The following KCNH1 variants were observed in gnomAD, a reference collection of about 807,000 sequenced individuals.
The protein encoded by KCNH1 is potassium voltage-gated channel subfamily H member 1.
A neutral mutation model predicts 69.2 loss-of-function variants in KCNH1; 27 were observed. The ratio of observed to expected loss-of-function variants is 0.39; its 90% CI spans 0.29 to 0.54. The LOEUF is 0.54. Ranked by LOEUF, KCNH1 falls within the 20% of genes least tolerant of loss-of-function variation. The pLI is 0.68. For synonymous variants in KCNH1, 456 were observed against 487.7 expected, an observed-to-expected ratio of 0.93 and a Z score of 0.86; for missense variants, 798 against 1,261.6, an observed-to-expected ratio of 0.63 and a Z score of 5.57.
chr1:210,746,175 T>C (rs1683149880), intron 10 of KCNH1, among the ~76,000 whole-genome samples: 1 of 152,170 alleles, frequency 6.6e-6, no homozygotes. Flanking sequence ...GGCACCCTTC[T>C]TTTTTCCCTT....
chr1:210,758,053 A>G (rs540506857), intron 10 of KCNH1, among the ~76,000 whole-genome samples: 1 of 152,240 alleles, frequency 6.6e-6, no homozygotes, highest in Non-Finnish European at 1.5e-5. Flanking sequence ...GGTGCAGCAC[A>G]AAAGCAAGAG....
intron 10 of KCNH1, among the ~76,000 whole-genome samples, chr1:210,765,142 A>T (rs1488261411): frequency 6.6e-6 from 1 of 152,192 alleles, no homozygotes; most frequent in Non-Finnish European, 1.5e-5. Context: ...ACTTACAAGT[A>T]GTAGCTCAAC....
In KCNH1 at chr1:211,114,687, G is replaced by A. The variant is rs905005750; in HGVS notation, c.80-7310C>T. Among the ~76,000 whole-genome samples, 10 of 152,142 alleles carry A rather than the reference G, an allele frequency of 6.6e-5. No individual in the cohort carries two copies. In the South Asian group the frequency reaches 8.3e-4, roughly 13 times the overall value. Reference sequence around the variant, plus strand: ...TGCCAAATAAGAGAGCTAAAGTGACGCGACACAGAGTTTCTAGCCAAATGC... The same window carrying A: ...TGCCAAATAAGAGAGCTAAAGTGACACGACACAGAGTTTCTAGCCAAATGC... On this transcript the variant is annotated intron_variant, in intron 1 of 10. Coordinates refer to ENST00000271751, the MANE Select transcript of KCNH1 (RefSeq NM_172362.3).
chr1:210,985,646 G>C lies in KCNH1; in HGVS notation c.1032+33137C>G, dbSNP rs1188812590. 2.6e-5 allele frequency among the ~76,000 whole-genome samples: 4 copies of C among 152,344 alleles called. No individual in the cohort carries two copies. The East Asian group carries it at 7.7e-4, about 29-fold the overall frequency. On this transcript the variant is annotated intron_variant, in intron 6 of 10. Transcript: ENST00000271751. ...AGTTTGATTGCACTGTGGTCTGGGA[G>C]AGAGTTTGTTATAATTTCTGTTCTT...
chr1:210,990,822 A>T (rs567681934), intron 6 of KCNH1, among the ~76,000 whole-genome samples: 1 of 152,326 alleles, frequency 6.6e-6, no homozygotes, highest in South Asian at 2.1e-4. Flanking sequence ...CATTTTGATT[A>T]TAAGAATCAA....
intron 2 of KCNH1, among the ~76,000 whole-genome samples, chr1:211,105,469 A>G (rs545003353): frequency 1.3e-4 from 20 of 152,200 alleles, no homozygotes; most frequent in Non-Finnish European, 2.8e-4. Flanking sequence ...CTTTACCTGG[A>G]TCTCAGATTG....
chr1:210,709,175 G>A (rs1681991199), intron 10 of KCNH1, among the ~76,000 whole-genome samples: 1 of 152,204 alleles, frequency 6.6e-6, no homozygotes, highest in Non-Finnish European at 1.5e-5. Flanking sequence ...TTTAAACCCA[G>A]GAGGCAGAGG....
chr1:210,788,685 C>CTTTTTTTTTTT lies in KCNH1; in HGVS notation c.1915+8812_1915+8822dup, dbSNP rs139485350. Among the ~76,000 whole-genome samples, 8 of 80,722 alleles carry CTTTTTTTTTTT rather than the reference C, an allele frequency of 9.9e-5. 1 individual carries two copies. Among genetic ancestry groups the CTTTTTTTTTTT allele is most frequent in the African/African-American group, 4.0e-4 (8 of 20,196 alleles). The allele number at this position is 80,722 out of a possible 152,430, so 53.0% of individuals were successfully genotyped here. A position where few individuals can be genotyped will look rare whatever the true frequency, so the allele number is the denominator to read the frequency against. On this transcript the variant is annotated intron_variant, in intron 9 of 10. Coordinates refer to ENST00000271751, the MANE Select transcript of KCNH1 (RefSeq NM_172362.3). ...AGATTATTCATATTATAGCTTCTTT[C>CTTTTTTTTTTT]TTTTTTTTTTTTTTTTTTTTTTTTT... is the stretch of plus-strand genomic sequence containing the variant.
intron 7 of KCNH1, among the ~76,000 whole-genome samples, chr1:210,895,668 C>T (rs980076042): frequency 6.6e-6 from 1 of 151,928 alleles, no homozygotes; most frequent in African/African-American, 2.4e-5. Context: ...CAGGGGTCTA[C>T]AGACAGACAT....
chr1:210,829,193 T>C (rs757239222), intron 7 of KCNH1, among the ~76,000 whole-genome samples: 46 of 152,166 alleles, frequency 3.0e-4, no homozygotes, highest in Non-Finnish European at 5.3e-4. Flanking sequence ...AAACAAAATG[T>C]CTATCCCTTT....
intron 7 of KCNH1, among the ~76,000 whole-genome samples, chr1:210,916,402 CCT>C (rs1687334136): frequency 6.6e-6 from 1 of 152,120 alleles, no homozygotes; most frequent in Admixed American, 6.5e-5. Flanking sequence ...CACCCAGTCC[CCT>C]GAGTCTGCAC....
intron 7 of KCNH1, among the ~76,000 whole-genome samples, chr1:210,863,556 T>C (rs1248797079): frequency 1.3e-5 from 2 of 152,208 alleles, no homozygotes; most frequent in Non-Finnish European, 2.9e-5. Flanking sequence ...TAATAGTAAA[T>C]GCCATTTCCA....
chr1:211,093,540 C>T (rs1227529558), intron 3 of KCNH1, among the ~76,000 whole-genome samples: 2 of 152,242 alleles, frequency 1.3e-5, no homozygotes, highest in African/African-American at 4.8e-5. Context: ...CCTGCCTCAG[C>T]CTCCCAAAGT....
chr1:210,801,654 C>A (rs1684429859), intron 8 of KCNH1, among the ~76,000 whole-genome samples: 1 of 152,218 alleles, frequency 6.6e-6, no homozygotes, highest in Admixed American at 6.5e-5. Flanking sequence ...TCTTTCCAGA[C>A]AACCAGACTT....
intron 6 of KCNH1, among the ~76,000 whole-genome samples, chr1:210,972,926 C>CAA (rs34391382): frequency 0.4 from 53,266 of 133,782 alleles, 10,691 homozygotes; most frequent in Non-Finnish European, 0.44. Flanking sequence ...CCAAACGTCT[C>CAA]AAAAAAAAAA....
At position 211,019,210 on chromosome 1, in the gene KCNH1, G is replaced by T; in HGVS notation, c.605C>A (p.Ala202Glu). ...SDILPQYKQE[A>E]PKTPPHIILH... ...GATGATGTGAGGGGGAGTCTTTGGT[G>T]CCTCTTGCTTGTACTGGGGAAGGAT... is the stretch of plus-strand genomic sequence containing the variant. The change falls in exon 6 of 11, where the codon GCA becomes GAA. Residue 202 changes from alanine to glutamate, a missense_variant. Coordinates refer to ENST00000271751, the MANE Select transcript of KCNH1 (RefSeq NM_172362.3). The T allele has an allele frequency of 1.9e-6, 3 of 1,612,526 alleles. No homozygotes were observed. The highest frequency in any genetic ancestry group is 1.7e-6 in the Non-Finnish European group (2 of 1,179,818).
At chr1:211,025,207 C>G (rs1689663184) in intron 5 of KCNH1, among the ~76,000 whole-genome samples, 1 of 152,180 alleles carries the variant, frequency 6.6e-6, no homozygotes, top group African/African-American at 2.4e-5. Flanking sequence ...TTATAAATCT[C>G]TAGGTAAAAC....
intron 6 of KCNH1, among the ~76,000 whole-genome samples, chr1:210,940,897 T>C (rs933159522): frequency 3.3e-5 from 5 of 152,254 alleles, no homozygotes; most frequent in African/African-American, 7.2e-5. Context: ...TATCCTGACA[T>C]TGATGCAGTT....
intron 4 of KCNH1, among the ~76,000 whole-genome samples, chr1:211,090,002 A>T (rs1457208706): frequency 1.3e-5 from 2 of 152,226 alleles, no homozygotes; most frequent in Admixed American, 6.5e-5. Context: ...GGCGAGTGCT[A>T]AAATCTGTGA....
Sources: gnomAD v4.1 joint callset for allele counts (sites outside exome capture counted in the v4.1 genomes callset) on GRCh38, gnomAD v4.1.1 for gene constraint, MANE v1.5 for transcripts, NCBI Gene and HGNC (gene_info 2026-07-23, HGNC 2026-07-21) for gene names.